The following DNAH10 variants were observed in gnomAD, a reference collection of about 807,000 sequenced individuals.
DNAH10 encodes dynein axonemal heavy chain 10.
In DNAH10, 348 loss-of-function variants were observed where a neutral mutation model predicts 506.6. That is an observed-to-expected ratio of 0.69 (90% CI 0.63 to 0.75). The LOEUF (loss-of-function observed/expected upper bound fraction) is 0.75. Ranked by LOEUF, DNAH10 falls within the 30% of genes least tolerant of loss-of-function variation. The pLI is 0.00. For synonymous variants in DNAH10, 2,059 were observed against 2,198.6 expected (o/e 0.94, Z 1.78); for missense variants, 5,179 against 5,787.1 (o/e 0.89, Z 3.41).
intron 18 of DNAH10, among the ~76,000 whole-genome samples, chr12:123,807,061 C>T (rs1415973824): frequency 6.6e-6 from 1 of 152,224 alleles, no homozygotes; most frequent in African/African-American, 2.4e-5. Context: ...AGCCACCGCG[C>T]CTGGCCCTGC....
At position 123,903,055 on chromosome 12, in the gene DNAH10, C is replaced by T; in HGVS notation, c.9757C>T (p.Leu3253=). Residue 3253 remains leucine, a synonymous_variant, in exon 57 of 79, where the codon CTG becomes TTG. Coordinates refer to ENST00000673944, the MANE Select transcript of DNAH10 (RefSeq NM_001372106.1). This position sits in a 1 kb window ranked among gnomAD's most constrained non-coding sequence, Gnocchi z 4.6. ...ETTLAEVMPI[L]EAAKLELQKL... is the part of the protein sequence containing the mutation. ...GACCCTGGCAGAGGTCATGCCCATC[C>T]TGGAGGCCGCCAAGCTGGAACTGCA... is the stretch of plus-strand genomic sequence containing the variant. 4 of 1,611,172 alleles carry T rather than the reference C, an allele frequency of 2.5e-6. No homozygotes were observed. Among genetic ancestry groups the T allele is most frequent in the Non-Finnish European group, 3.4e-6 (4 of 1,178,706 alleles).
Position 123,881,731 on chromosome 12 carries a change from G to A in DNAH10, c.8741G>A (p.Arg2914His), listed in dbSNP as rs763152052. Reference protein sequence around the residue: ...TRVHRIIRMDRGHALLVGVGG... With the variant: ...TRVHRIIRMDHGHALLVGVGG... The stretch of plus-strand genomic sequence containing the variant: ...GTGCACCGTATCATCCGCATGGACC[G>A]CGGCCACGCCCTGCTGGTCGGGGTA... The change falls in exon 51 of 79, where the codon CGC becomes CAC. Residue 2914 changes from arginine (R) to histidine (H), a missense_variant. Arg to His is a conservative substitution (Grantham distance 29). Coordinates refer to ENST00000673944, the MANE Select transcript of DNAH10 (RefSeq NM_001372106.1). 74 of 1,548,108 alleles carry A rather than the reference G, an allele frequency of 4.8e-5. No homozygotes were observed. The highest frequency in any genetic ancestry group is 1.7e-4 in the Middle Eastern group (1 of 6,002).
intron 34 of DNAH10, among the ~76,000 whole-genome samples, chr12:123,849,517 C>T (rs1951079643): frequency 6.6e-6 from 1 of 152,150 alleles, no homozygotes; most frequent in African/African-American, 2.4e-5. Flanking sequence ...TCTGAAAACA[C>T]AGGACCAGCG....
intron 2 of DNAH10, among the ~76,000 whole-genome samples, chr12:123,768,625 C>T (rs1335859778): frequency 2.6e-5 from 4 of 152,218 alleles, no homozygotes; most frequent in Non-Finnish European, 5.9e-5. Context: ...CTCATGCAGG[C>T]GATGTCTCAG....
chr12:123,884,741 G>A (rs1327507909), intron 51 of DNAH10, among the ~76,000 whole-genome samples: 1 of 152,094 alleles, frequency 6.6e-6, no homozygotes, highest in Non-Finnish European at 1.5e-5. Context: ...CTATTGCACG[G>A]AGTAAGAATC....
In DNAH10 at chr12:123,933,370, C is replaced by T. The variant is rs1333205772; in HGVS notation, c.13336C>T (p.Leu4446=). The change falls in exon 77 of 79, where the codon CTG becomes TTG. Residue 4446 remains leucine (L), a synonymous_variant. Coordinates refer to ENST00000673944, the MANE Select transcript of DNAH10 (RefSeq NM_001372106.1). ...GCCCAGCGTGATGTGGCTCTCGGGGCTGCACATCCCTGAGTCCTACCTCAC... is the reference window on the plus strand; with the variant it reads ...GCCCAGCGTGATGTGGCTCTCGGGGTTGCACATCCCTGAGTCCTACCTCAC... ...SEPSVMWLSG[L]HIPESYLTAL... The T allele has an allele frequency of 1.2e-6, 2 of 1,607,112 alleles. No homozygotes were observed. Among genetic ancestry groups the T allele is most frequent in the South Asian group, 2.2e-5 (2 of 90,322 alleles).
At chr12:123,930,775 TAA>T (rs1955167861) in intron 73 of DNAH10, among the ~76,000 whole-genome samples, 4 of 152,088 alleles carry the variant, frequency 2.6e-5, no homozygotes, top group Non-Finnish European at 4.4e-5. Flanking sequence ...TGATGGTAAA[TAA>T]ATCAGGTTCC....
chr12:123,930,501 C>G lies in DNAH10; in HGVS notation c.12712C>G (p.Pro4238Ala). ...GGACTTCATTTTTGATACTTTCCAGCCATTCCACTTCTTCCGGAACAAGGA... is the reference window on the plus strand; with the variant it reads ...GGACTTCATTTTTGATACTTTCCAGGCATTCCACTTCTTCCGGAACAAGGA... Reference protein sequence around the residue: ...LGDFIFDTFQPFHFFRNKEVD... With the variant: ...LGDFIFDTFQAFHFFRNKEVD... The change falls in exon 73 of 79, where the codon CCA becomes GCA. Residue 4238 changes from proline to alanine, a missense_variant. Around this residue, in one of 3 missense-constraint regions of DNAH10, gnomAD observed 4,844 missense variants for 5,430.5 expected, o/e 0.89. Transcript: ENST00000673944. 1 of 1,610,760 alleles carries G rather than the reference C, an allele frequency of 6.2e-7. No individual in the cohort carries two copies. Among genetic ancestry groups the G allele is most frequent in the Non-Finnish European group, 8.5e-7 (1 of 1,178,982 alleles).
chr12:123,862,000 A>G (rs1294087900), intron 39 of DNAH10, among the ~76,000 whole-genome samples: 4 of 152,112 alleles, frequency 2.6e-5, no homozygotes, highest in Admixed American at 2.6e-4. Flanking sequence ...ATTCCAGGCC[A>G]ACCGTTTTAG....
rs765015107 is a variant in DNAH10, at chr12:123,913,046, C to T, written c.10135-52C>T. Reference sequence around the variant, plus strand: ...GGCCTGGTTTGAGGCCATGGGATCGCGGCCCCACCACGGTCCTTTTCCCCA... The same window carrying T: ...GGCCTGGTTTGAGGCCATGGGATCGTGGCCCCACCACGGTCCTTTTCCCCA... On this transcript the variant is annotated intron_variant, in intron 59 of 78. Coordinates refer to ENST00000673944, the MANE Select transcript of DNAH10 (RefSeq NM_001372106.1). This position sits in a 1 kb window ranked among gnomAD's most constrained non-coding sequence, Gnocchi z 5.1. The T allele has an allele frequency of 8.5e-6, 13 of 1,528,922 alleles. No individual in the cohort carries two copies. The highest frequency in any genetic ancestry group is 4.8e-5 in the East Asian group (2 of 41,514). The allele number at this position is 1,528,922 out of a possible 1,614,324, so 94.7% of individuals were successfully genotyped here.
chr12:123,888,871 G>A (rs1248050315), intron 52 of DNAH10, among the ~76,000 whole-genome samples: 4 of 152,154 alleles, frequency 2.6e-5, no homozygotes, highest in Admixed American at 1.3e-4. Context: ...GCAAAGATCC[G>A]TGCTGACTTC....
Position 123,813,497 on chromosome 12 carries a change from A to C in DNAH10, c.3478A>C (p.Lys1160Gln). Residue 1160 changes from lysine (K) to glutamine (Q), a missense_variant, in exon 20 of 79, where the codon AAG becomes CAG. Coordinates refer to ENST00000673944, the MANE Select transcript of DNAH10 (RefSeq NM_001372106.1). ...TGAGGTTATGCGCCACCCTCTAATT[A>C]AGGATGAGCATTGCATCAGACTTCA... ...AYEVMRHPLI[K>Q]DEHCIRLQLR... 2 of 1,614,210 alleles carry C rather than the reference A, an allele frequency of 1.2e-6. No homozygotes were observed.
intron 5 of DNAH10, among the ~76,000 whole-genome samples, chr12:123,779,250 C>T (rs1368663004): frequency 6.6e-6 from 1 of 151,930 alleles, no homozygotes. Context: ...TATGTTGCCC[C>T]GGCTGTTCTC....
chr12:123,764,157 C>T (rs556160231), intron 1 of DNAH10, among the ~76,000 whole-genome samples: 28 of 152,308 alleles, frequency 1.8e-4, no homozygotes, highest in Admixed American at 3.9e-4. Flanking sequence ...TGAACCATCG[C>T]GCTTGGCCAC....
At chr12:123,893,102 G>T in intron 52 of DNAH10, 131 bp from the exon 53 acceptor site, 1 of 953,980 alleles carries the variant, frequency 1.0e-6, no homozygotes, top group Non-Finnish European at 1.6e-6. Flanking sequence ...CGGGTCTCAG[G>T]TCAGGCCCAC....
chr12:123,859,364 T>C, intron 38 of DNAH10, 96 bp downstream of exon 38: 1 of 1,020,506 alleles, frequency 9.8e-7, no homozygotes, highest in Non-Finnish European at 1.4e-6. Flanking sequence ...GCTCTCTGAT[T>C]TCCTGGGAGG....
intron 28 of DNAH10, among the ~76,000 whole-genome samples, chr12:123,838,019 T>C (rs2136577281): frequency 6.6e-6 from 1 of 152,350 alleles, no homozygotes; most frequent in East Asian, 1.9e-4. Context: ...GGCTATTTCT[T>C]TCTTTTTCTG....
chr12:123,880,094 A>G (rs1952439065), intron 50 of DNAH10, among the ~76,000 whole-genome samples: 1 of 152,134 alleles, frequency 6.6e-6, no homozygotes, highest in African/African-American at 2.4e-5. Context: ...TTGACTCCCT[A>G]ATATTCATTT....
intron 17 of DNAH10, 55 bp downstream of exon 17, chr12:123,803,880 A>G: frequency 1.3e-6 from 2 of 1,522,388 alleles, no homozygotes; most frequent in South Asian, 1.2e-5. Context: ...CATATATTGT[A>G]TATACATACA....
Sources: allele counts gnomAD v4.1 joint callset (sites outside exome capture counted in the v4.1 genomes callset), GRCh38; gene constraint gnomAD v4.1.1; regional missense constraint gnomAD v4.1.1; non-coding constraint Gnocchi (gnomAD v3.1); transcripts MANE v1.5; gene names NCBI Gene and HGNC (gene_info 2026-07-23, HGNC 2026-07-21).